HERC3: variants seen among roughly 807,000 people sequenced by gnomAD.
HERC3 encodes HECT and RLD domain containing E3 ubiquitin protein ligase 3, also known as probable E3 ubiquitin-protein ligase HERC3.
A neutral mutation model predicts 129.9 loss-of-function variants in HERC3; 58 were observed. That is an observed-to-expected ratio of 0.45 (90% CI 0.36 to 0.56). The LOEUF (loss-of-function observed/expected upper bound fraction) is 0.56. Among genes scored for constraint, HERC3 ranks in the 20% least tolerant of loss-of-function variants. The pLI is 0.00. For synonymous variants in HERC3, 430 were observed against 451.0 expected (o/e 0.95, Z 0.59); for missense variants, 835 against 1,244.2 (o/e 0.67, Z 4.95).
chr4:88,559,494 G>A, the HERC3 span, among the ~76,000 whole-genome samples: 1 of 152,068 alleles, frequency 6.6e-6, no homozygotes, highest in Non-Finnish European at 1.5e-5. Context: ...TATAGTTGTT[G>A]TTTTGTTTTG....
At position 88,622,675 on chromosome 4, in the gene HERC3, A is replaced by G. The variant is rs1408464096; in HGVS notation, c.226+16626A>G. Reference sequence around the variant, plus strand: ...GCCGGGTGTGGTGGCTCACGCCTGTAATCCCAGCACTTTGGGAGGCAGAGG... The same window carrying G: ...GCCGGGTGTGGTGGCTCACGCCTGTGATCCCAGCACTTTGGGAGGCAGAGG... On this transcript the variant is annotated intron_variant, in intron 3 of 25. Transcript: ENST00000402738. Among the ~76,000 whole-genome samples the G allele has an allele frequency of 5.3e-5, 8 of 152,222 alleles. No individual in the cohort carries two copies. The East Asian group carries it at 1.5e-3, about 29-fold the overall frequency.
At chr4:88,579,232 A>AT in the HERC3 span, among the ~76,000 whole-genome samples, 6,122 of 103,708 alleles carry the variant, frequency 0.059, 177 homozygotes, top group Non-Finnish European at 0.07. Context: ...AAAAAAAAAA[A>AT]ATATATATAT....
rs1385731922 is a variant in HERC3, at chr4:88,697,458, A to C, written c.2658-6640A>C. The C allele has an allele frequency of 3.1e-6, 5 of 1,614,006 alleles. No individual in the cohort carries two copies. Among genetic ancestry groups the C allele is most frequent in the Non-Finnish European group, 4.2e-6 (5 of 1,180,016 alleles). ...TTTTTTCCAGAGCCTGAAATTCCTTATCAAATTTGGCTTCTATCTTATCGC... is the reference window on the plus strand; with the variant it reads ...TTTTTTCCAGAGCCTGAAATTCCTTCTCAAATTTGGCTTCTATCTTATCGC... On this transcript the variant is annotated intron_variant, in intron 23 of 25. Coordinates refer to ENST00000402738, the MANE Select transcript of HERC3 (RefSeq NM_014606.3).
intron 4 of HERC3, among the ~76,000 whole-genome samples, chr4:88,651,763 T>G (rs1175343066): frequency 6.6e-6 from 1 of 152,104 alleles, no homozygotes; most frequent in Non-Finnish European, 1.5e-5. Flanking sequence ...TTTTTTTGTA[T>G]TTTTAGTAGA....
intron 10 of HERC3, among the ~76,000 whole-genome samples, chr4:88,662,105 C>T (rs1176208538): frequency 2.6e-5 from 4 of 152,130 alleles, no homozygotes; most frequent in African/African-American, 9.7e-5. Context: ...TAACAGAGGC[C>T]TCAGCCAGTC....
chr4:88,635,698 C>T (rs948618512), intron 3 of HERC3, among the ~76,000 whole-genome samples: 9 of 151,920 alleles, frequency 5.9e-5, no homozygotes, highest in Admixed American at 1.3e-4. Flanking sequence ...GGCACATAAT[C>T]GGATTCACCA....
At chr4:88,587,751 A>G (rs933629237), upstream of HERC3, among the ~76,000 whole-genome samples, 8 of 152,336 alleles carry the variant, frequency 5.3e-5, no homozygotes, top group Middle Eastern at 3.4e-3. Flanking sequence ...TTGGAAGACT[A>G]TGTTTCTTTG....
rs548000045 is a variant in HERC3 at position 88,592,603 on chromosome 4, G to A, written c.-88+29G>A. 7.5e-4 allele frequency: 114 copies of A among 152,486 alleles called. 1 individual carries two copies. In the Middle Eastern group the frequency reaches 0.017, roughly 23 times the overall value. The allele number at this position is 152,486 out of a possible 1,614,324, so 9.4% of individuals were successfully genotyped here. A position where few individuals can be genotyped will look rare whatever the true frequency, so the allele number is the denominator to read the frequency against. ...CGCAGGGCGGGGGCCGGGGTTCCAGGGAGGGGGGTACGGCGGAGCTGCAGC... is the reference window on the plus strand; with the variant it reads ...CGCAGGGCGGGGGCCGGGGTTCCAGAGAGGGGGGTACGGCGGAGCTGCAGC... On this transcript the variant is annotated intron_variant, in intron 1 of 25. Transcript: ENST00000402738.
the HERC3 span, among the ~76,000 whole-genome samples, chr4:88,543,513 G>C: frequency 6.6e-6 from 1 of 152,120 alleles, no homozygotes; most frequent in Non-Finnish European, 1.5e-5. Flanking sequence ...TACTGCCCAT[G>C]GTAATTTATA....
the HERC3 span, among the ~76,000 whole-genome samples, chr4:88,586,000 A>C: frequency 0.18 from 27,822 of 152,176 alleles, 5,000 homozygotes; most frequent in African/African-American, 0.46. Flanking sequence ...TTTGTTAGGG[A>C]AACTTGGCAA....
At chr4:88,690,571 A>G in intron 23 of HERC3, 2 of 985,290 alleles carry the variant, frequency 2.0e-6, no homozygotes, top group African/African-American at 1.7e-5. Flanking sequence ...CTGAGTCATC[A>G]TAGTGCTCTG....
chr4:88,687,528 G>A (rs1292414398), intron 23 of HERC3, among the ~76,000 whole-genome samples: 3 of 152,106 alleles, frequency 2.0e-5, no homozygotes, highest in African/African-American at 7.2e-5. Context: ...CATCTTTTTG[G>A]CTTTGACTCT....
chr4:88,530,176 G>T, the HERC3 span, among the ~76,000 whole-genome samples: 1 of 152,114 alleles, frequency 6.6e-6, no homozygotes, highest in Non-Finnish European at 1.5e-5. Context: ...TATAATCCCA[G>T]CTACTCAGGA....
intron 18 of HERC3, among the ~76,000 whole-genome samples, chr4:88,677,340 A>G (rs79486230): frequency 0.023 from 3,442 of 152,288 alleles, 70 homozygotes; most frequent in Non-Finnish European, 0.036. Flanking sequence ...ATTATAAAGT[A>G]TAATTGATTT....
chr4:88,702,111 C>T (rs945226435), intron 23 of HERC3, among the ~76,000 whole-genome samples: 5 of 152,174 alleles, frequency 3.3e-5, no homozygotes, highest in Admixed American at 1.3e-4. Context: ...GATCTTTTTA[C>T]ATTAATGTCT....
chr4:88,683,063 C>G (rs1420182240), intron 21 of HERC3, among the ~76,000 whole-genome samples: 5 of 152,176 alleles, frequency 3.3e-5, no homozygotes, highest in Non-Finnish European at 7.3e-5. Context: ...TTGCATTTCT[C>G]TGATGGCCAG....
intron 14 of HERC3, among the ~76,000 whole-genome samples, chr4:88,669,597 A>G (rs1342577538): frequency 2.6e-5 from 4 of 152,134 alleles, no homozygotes; most frequent in Non-Finnish European, 5.9e-5. Context: ...TGTAGTCTGG[A>G]ATTGGACTTT....
At chr4:88,655,141 C>T in intron 7 of HERC3, 33 bp from the exon 8 acceptor site, 1 of 1,611,882 alleles carries the variant, frequency 6.2e-7, no homozygotes, top group Middle Eastern at 1.7e-4. Flanking sequence ...CTTAAAGATA[C>T]AGTGAAGTCC....
At chr4:88,528,688 A>G in the HERC3 span, among the ~76,000 whole-genome samples, 1 of 152,116 alleles carries the variant, frequency 6.6e-6, no homozygotes, top group African/African-American at 2.4e-5. Context: ...CTTTCTCCAA[A>G]GGGCAAGGTT....
Sources: gnomAD v4.1 joint callset for allele counts (sites outside exome capture counted in the v4.1 genomes callset) on GRCh38, gnomAD v4.1.1 for gene constraint, MANE v1.5 for transcripts, NCBI Gene and HGNC (gene_info 2026-07-23, HGNC 2026-07-21) for gene names.